The following CLRN3 variants were observed in gnomAD, a reference collection of about 807,000 sequenced individuals.
CLRN3 encodes clarin 3, also known as clarin-3.
A neutral mutation model predicts 16.7 loss-of-function variants in CLRN3; 12 were observed. The observed-to-expected ratio is 0.72, with a 90% confidence interval of 0.46 to 1.16. The LOEUF (loss-of-function observed/expected upper bound fraction) is 1.16. Among genes scored for constraint, CLRN3 ranks in the 50% most tolerant of loss-of-function variants. The pLI is 0.00. For missense variants in CLRN3, 296 were observed against 274.2 expected (o/e 1.08, Z -0.56); for synonymous variants, 118 against 113.0 (o/e 1.04, Z -0.28).
intron 1 of CLRN3, among the ~76,000 whole-genome samples, chr10:127,885,543 A>G (rs1845182986): frequency 6.6e-6 from 1 of 151,952 alleles, no homozygotes; most frequent in African/African-American, 2.4e-5. Flanking sequence ...GGCCTCCTAC[A>G]CATACTTTAT....
In CLRN3 at chr10:127,892,867, T is replaced by C; in HGVS notation, c.-83A>G. On this transcript the variant is annotated 5_prime_UTR_variant, in exon 1 of 3. The change creates a new upstream start codon in the 5' untranslated region. Coordinates refer to ENST00000368671, the MANE Select transcript of CLRN3 (RefSeq NM_152311.5). ...TTGAACCTTATCTTTTGAAGTCTGG[T>C]ATTTAGAAATGGAGTCTAACACTTT... 1.3e-6 allele frequency: 1 copy of C among 790,008 alleles called. No individual in the cohort carries two copies. The highest frequency in any genetic ancestry group is 2.1e-6 in the Non-Finnish European group (1 of 473,440). The allele number at this position is 790,008 out of a possible 1,614,324, so 48.9% of individuals were successfully genotyped here. A position where few individuals can be genotyped will look rare whatever the true frequency, so the allele number is the denominator to read the frequency against.
intron 2 of CLRN3, among the ~76,000 whole-genome samples, chr10:127,882,833 A>G (rs1845145070): frequency 6.6e-6 from 1 of 152,204 alleles, no homozygotes; most frequent in Non-Finnish European, 1.5e-5. Flanking sequence ...TTCATTCCCA[A>G]GGTCCAGTTT....
rs145546156 is a variant in CLRN3 at position 127,879,888 on chromosome 10, G to A, written c.410-1468C>T. On this transcript the variant is annotated intron_variant, in intron 2 of 2. Transcript: ENST00000368671. ...CCCAGTGAGGTCTGATACGCACGGGGGCCGCCAGGGGATCCTGGCCACGGA... is the reference window on the plus strand; with the variant it reads ...CCCAGTGAGGTCTGATACGCACGGGAGCCGCCAGGGGATCCTGGCCACGGA... Among the ~76,000 whole-genome samples the A allele has an allele frequency of 6.0e-3, 918 of 152,262 alleles. 10 individuals carry two copies. Among genetic ancestry groups the A allele is most frequent in the African/African-American group, 0.02 (845 of 41,550 alleles).
At chr10:127,881,899 C>A (rs376881170) in intron 2 of CLRN3, among the ~76,000 whole-genome samples, 1 of 152,188 alleles carries the variant, frequency 6.6e-6, no homozygotes, top group South Asian at 2.1e-4. Context: ...ACAGTCCTCA[C>A]GACACAGGCC....
Position 127,878,212 on chromosome 10 carries a change from G to A in CLRN3, c.618C>T (p.Tyr206=). Residue 206 remains tyrosine (Y), a synonymous_variant, in exon 3 of 3, where the codon TAC becomes TAT. Transcript: ENST00000368671. The part of the protein sequence containing the change: ...TIIIFYQKAR[Y]QRKQEQRKPM... ...GCTTTCTCTGCTCCTGCTTCCGCTG[G>A]TATCTGGCCTTCTGGTAGAAAATGA... is the stretch of plus-strand genomic sequence containing the variant. The A allele has an allele frequency of 6.2e-7, 1 of 1,614,176 alleles. No homozygotes were observed. The highest frequency in any genetic ancestry group is 8.5e-7 in the Non-Finnish European group (1 of 1,180,004).
chr10:127,878,566 T>C, intron 2 of CLRN3, 146 bp from the exon 3 acceptor site: 1 of 1,153,098 alleles, frequency 8.7e-7, no homozygotes. Flanking sequence ...AGGTACAAAA[T>C]TGTAAGACAC....
intron 1 of CLRN3, among the ~76,000 whole-genome samples, chr10:127,884,293 G>A (rs1564778793): frequency 6.6e-6 from 1 of 152,144 alleles, no homozygotes; most frequent in Non-Finnish European, 1.5e-5. Flanking sequence ...CACAGGGTAG[G>A]TCACCCTGAA....
chr10:127,889,219 A>G (rs1289046952), intron 1 of CLRN3, among the ~76,000 whole-genome samples: 1 of 152,140 alleles, frequency 6.6e-6, no homozygotes, highest in African/African-American at 2.4e-5. Flanking sequence ...CTACACCAGA[A>G]GCTGAGGCAG....
intron 1 of CLRN3, among the ~76,000 whole-genome samples, chr10:127,889,390 G>A (rs1243131400): frequency 2.0e-5 from 3 of 152,150 alleles, no homozygotes; most frequent in Admixed American, 6.5e-5. Flanking sequence ...TTGGGAGGCC[G>A]AGGTGGGTGG....
intron 1 of CLRN3, among the ~76,000 whole-genome samples, chr10:127,884,701 T>C (rs1295996496): frequency 6.6e-6 from 1 of 152,216 alleles, no homozygotes; most frequent in Non-Finnish European, 1.5e-5. Flanking sequence ...TGGCTGTCAG[T>C]CCTGGGTTCC....
At chr10:127,891,595 A>C (rs1845258365) in intron 1 of CLRN3, among the ~76,000 whole-genome samples, 1 of 152,248 alleles carries the variant, frequency 6.6e-6, no homozygotes, top group Non-Finnish European at 1.5e-5. Context: ...ACTTGGGAAC[A>C]TAACCAGGTT....
Position 127,878,227 on chromosome 10 carries a change from G to A in CLRN3, c.603C>T (p.Tyr201=). The A allele has an allele frequency of 1.2e-6, 2 of 1,614,202 alleles. No individual in the cohort carries two copies. The highest frequency in any genetic ancestry group is 8.5e-7 in the Non-Finnish European group (1 of 1,180,026). Residue 201 remains tyrosine (Y), a synonymous_variant, in exon 3 of 3, where the codon TAC becomes TAT. Transcript: ENST00000368671. ...NIVTVTIIIF[Y]QKARYQRKQE... is the part of the protein sequence containing the mutation. ...GCTTCCGCTGGTATCTGGCCTTCTG[G>A]TAGAAAATGATGATGGTTACAGTGA...
intron 2 of CLRN3, among the ~76,000 whole-genome samples, chr10:127,879,181 C>T (rs1280623603): frequency 1.3e-5 from 2 of 152,300 alleles, no homozygotes; most frequent in African/African-American, 4.8e-5. Flanking sequence ...ACAATCTCAG[C>T]TTACTGAACC....
rs200979915 is a variant in CLRN3 at position 127,883,699 on chromosome 10, C to T, written c.406G>A (p.Gly136Ser). ...CGAGTCTCACAGGGCCACTCACCAC[C>T]GAGCCCGTTCCAGGTGTACACCCCC... ...PTGVYTWNGL[G>S]ASFVFVTMIL... Residue 136 changes from glycine (G) to serine (S), a missense_variant, in exon 2 of 3, where the codon GGT becomes AGT. Coordinates refer to ENST00000368671, the MANE Select transcript of CLRN3 (RefSeq NM_152311.5). The T allele has an allele frequency of 3.6e-4, 577 of 1,611,238 alleles. No individual in the cohort carries two copies. Among genetic ancestry groups the T allele is most frequent in the Non-Finnish European group, 4.6e-4 (539 of 1,177,524 alleles).
In CLRN3 at chr10:127,892,713, A is replaced by T. The variant is rs768619796; in HGVS notation, c.72T>A (p.Ile24=). The T allele has an allele frequency of 1.9e-6, 3 of 1,613,746 alleles. No homozygotes were observed. The highest frequency in any genetic ancestry group is 1.6e-4 in the Middle Eastern group (1 of 6,062). Reference sequence around the variant, plus strand: ...ATGCTTGTGTCCCAAGAATAGAGCAAATTACAATGAAGGACCCAAGGCTGG... The same window carrying T: ...ATGCTTGTGTCCCAAGAATAGAGCATATTACAATGAAGGACCCAAGGCTGG... The part of the protein sequence containing the change: ...FFTSLGSFIV[I]CSILGTQAWI... Residue 24 remains isoleucine, a synonymous_variant, in exon 1 of 3, where the codon ATT becomes ATA. Transcript: ENST00000368671.
At position 127,892,934 on chromosome 10, in the gene CLRN3, T is replaced by C; in HGVS notation, c.-150A>G. ...TCTCACTCTTCCTGAGGAAGGGTTATGCTAATGGACATTGAACTCTGAACA... is the reference window on the plus strand; with the variant it reads ...TCTCACTCTTCCTGAGGAAGGGTTACGCTAATGGACATTGAACTCTGAACA... On this transcript the variant is annotated 5_prime_UTR_variant, in exon 1 of 3. Transcript: ENST00000368671. The C allele has an allele frequency of 1.6e-6, 1 of 614,240 alleles. No homozygotes were observed. Among genetic ancestry groups the C allele is most frequent in the South Asian group, 2.0e-5 (1 of 49,700 alleles). 38.0% of individuals were successfully genotyped at this position (614,240 alleles called of 1,614,324 possible).
chr10:127,888,434 T>A (rs1416173122), intron 1 of CLRN3, among the ~76,000 whole-genome samples: 1 of 152,228 alleles, frequency 6.6e-6, no homozygotes, highest in African/African-American at 2.4e-5. Flanking sequence ...AATCTCCTTA[T>A]GTGGACAGGG....
Position 127,889,855 on chromosome 10 carries a change from T to A in CLRN3, c.229+2701A>T, listed in dbSNP as rs548278676. On this transcript the variant is annotated intron_variant, in intron 1 of 2. Coordinates refer to ENST00000368671, the MANE Select transcript of CLRN3 (RefSeq NM_152311.5). Reference sequence around the variant, plus strand: ...CTGACCACATTTTCAAAACACAGAGTTAAAGGAATGACTTCTTTTTACATG... The same window carrying A: ...CTGACCACATTTTCAAAACACAGAGATAAAGGAATGACTTCTTTTTACATG... 1.6e-4 allele frequency among the ~76,000 whole-genome samples: 24 copies of A among 152,256 alleles called. No homozygotes were observed. In the South Asian group the frequency reaches 5.0e-3, roughly 32 times the overall value.
intron 2 of CLRN3, among the ~76,000 whole-genome samples, chr10:127,881,181 C>G (rs947225614): frequency 6.6e-6 from 1 of 152,198 alleles, no homozygotes; most frequent in Non-Finnish European, 1.5e-5. Context: ...TTCTGCCCAC[C>G]TCACAGCCTC....
Sources: gnomAD v4.1 joint callset for allele counts (sites outside exome capture counted in the v4.1 genomes callset) on GRCh38, gnomAD v4.1.1 for gene constraint, MANE v1.5 for transcripts, NCBI Gene and HGNC (gene_info 2026-07-23, HGNC 2026-07-21) for gene names.